The following PALM variants were observed in gnomAD, a reference collection of about 807,000 sequenced individuals.
PALM encodes the protein paralemmin.
In PALM, 18 loss-of-function variants were observed where a neutral mutation model predicts 30.7. That is an observed-to-expected ratio of 0.59 (90% CI 0.41 to 0.87). PALM has a LOEUF of 0.87. Among genes scored for constraint, PALM ranks in the 40% least tolerant of loss-of-function variants. The probability of loss-of-function intolerance (pLI) is 0.00; values close to 1 mark genes in which losing one functional copy is unlikely to be tolerated. For missense variants in PALM, 529 were observed against 555.4 expected (o/e 0.95, Z 0.48); for synonymous variants, 286 against 242.8 (o/e 1.18, Z -1.66).
At chr19:734,152 C>T (rs1224898194) in intron 5 of PALM, 21 bp from the exon 6 acceptor site, 1 of 1,613,788 alleles carries the variant, frequency 6.2e-7, no homozygotes. Context: ...GCCCCTGACC[C>T]TTCTCTCTTC....
chr19:727,780 G>A (rs1344228558), intron 4 of PALM, 86 bp downstream of exon 4: 22 of 1,305,460 alleles, frequency 1.7e-5, no homozygotes, highest in African/African-American at 1.0e-4. Context: ...GGGAAGAGTC[G>A]TCAGTGTGCT....
In PALM at chr19:746,536, C is replaced by A; in HGVS notation, c.886C>A (p.Pro296Thr). The A allele has an allele frequency of 6.2e-7, 1 of 1,613,032 alleles. No individual in the cohort carries two copies. Among genetic ancestry groups the A allele is most frequent in the Non-Finnish European group, 8.5e-7 (1 of 1,179,798 alleles). Residue 296 changes from proline to threonine, a missense_variant, in exon 9 of 9, where the codon CCC becomes ACC. Transcript: ENST00000338448. The surrounding 1 kb of genome is among the most constrained non-coding windows in gnomAD (Gnocchi z 7.1). ...GCCGGGGATCCAGCCCGGCCAGGAG[C>A]CCCCGGTCACAATGATCTTCATGGG... is the stretch of plus-strand genomic sequence containing the variant. Reference protein sequence around the residue: ...GPPGIQPGQEPPVTMIFMGYQ... With the variant: ...GPPGIQPGQETPVTMIFMGYQ...
At chr19:743,545 C>T (rs539185782) in intron 8 of PALM, among the ~76,000 whole-genome samples, 1 of 152,344 alleles carries the variant, frequency 6.6e-6, no homozygotes, top group African/African-American at 2.4e-5. Context: ...GACTCCCCTC[C>T]CTGGGGGCTT....
chr19:737,669 C>G (rs2033062727), intron 7 of PALM, among the ~76,000 whole-genome samples: 1 of 152,166 alleles, frequency 6.6e-6, no homozygotes, highest in South Asian at 2.1e-4. Flanking sequence ...ACGCAGCTAT[C>G]TGGGGAAAGG....
chr19:732,438 T>A (rs1476657136), intron 5 of PALM, among the ~76,000 whole-genome samples: 1 of 152,180 alleles, frequency 6.6e-6, no homozygotes, highest in Non-Finnish European at 1.5e-5. Context: ...CTCACGCCTG[T>A]AATCGCAGCA....
chr19:744,075 A>T (rs1183044433), intron 8 of PALM, among the ~76,000 whole-genome samples: 2 of 152,210 alleles, frequency 1.3e-5, no homozygotes, highest in Non-Finnish European at 2.9e-5. Context: ...CAATCAATCA[A>T]ACTAGGAATT....
intron 1 of PALM, among the ~76,000 whole-genome samples, chr19:715,522 A>G (rs1291804537): frequency 6.6e-6 from 1 of 152,210 alleles, no homozygotes; most frequent in Non-Finnish European, 1.5e-5. Context: ...TCATCCAGGC[A>G]GGCAGAAGGA....
At chr19:729,808 C>T (rs2032813755) in intron 4 of PALM, among the ~76,000 whole-genome samples, 1 of 152,104 alleles carries the variant, frequency 6.6e-6, no homozygotes, top group Admixed American at 6.6e-5. Flanking sequence ...CAGCTGTGTC[C>T]CTGGGCTGGA....
At chr19:718,349 G>A (rs768202794) in intron 1 of PALM, among the ~76,000 whole-genome samples, 20 of 152,330 alleles carry the variant, frequency 1.3e-4, no homozygotes, top group Non-Finnish European at 2.6e-4. Flanking sequence ...GCACCAGGCA[G>A]CAATGCAGCC....
At chr19:719,364 C>G in intron 1 of PALM, 1 of 985,558 alleles carries the variant, frequency 1.0e-6, no homozygotes, top group Non-Finnish European at 1.2e-6. Context: ...TGGAGCAGGA[C>G]TATCTCACGC....
intron 1 of PALM, chr19:719,600 G>C (rs996524477): frequency 2.0e-6 from 2 of 986,084 alleles, no homozygotes; most frequent in Non-Finnish European, 2.4e-6. Flanking sequence ...CACCAGGACC[G>C]CCGCCGCCCT....
At chr19:726,746 T>A (rs566085114) in intron 2 of PALM, among the ~76,000 whole-genome samples, 39 of 152,238 alleles carry the variant, frequency 2.6e-4, no homozygotes, top group Non-Finnish European at 4.9e-4. Context: ...CAAGTGATCC[T>A]CCCGCCTTGG....
intron 1 of PALM, among the ~76,000 whole-genome samples, chr19:718,131 G>C (rs367778204): frequency 6.6e-6 from 1 of 152,148 alleles, no homozygotes; most frequent in African/African-American, 2.4e-5. Context: ...GCAGCGAGCC[G>C]AGATCGCGCC....
chr19:719,508 CGCGGCTGCCGGG>C, intron 1 of PALM: 1 of 985,360 alleles, frequency 1.0e-6, no homozygotes. Context: ...AGGGGCTCTG[CGCGGCTGCCGGG>C]AGCCAGGGAG....
chr19:725,241 T>G (rs2032620360), intron 1 of PALM, among the ~76,000 whole-genome samples: 1 of 151,506 alleles, frequency 6.6e-6, no homozygotes. Context: ...AGGCTACAGC[T>G]GCACTGGGTG....
chr19:740,777 G>A (rs1438561042), intron 8 of PALM, among the ~76,000 whole-genome samples: 1 of 152,176 alleles, frequency 6.6e-6, no homozygotes, highest in Non-Finnish European at 1.5e-5. Context: ...GGTAGATTCA[G>A]CTTCTGTCCT....
chr19:718,181 CA>C (rs200668058), intron 1 of PALM, among the ~76,000 whole-genome samples: 5 of 150,438 alleles, frequency 3.3e-5, no homozygotes, highest in African/African-American at 1.2e-4. Context: ...GACTCCATCT[CA>C]AAAAAAAAGA....
At chr19:744,414 ATAGAAAG>A (rs1401091191) in intron 8 of PALM, among the ~76,000 whole-genome samples, 1 of 151,298 alleles carries the variant, frequency 6.6e-6, no homozygotes, top group African/African-American at 2.4e-5. Context: ...AAAAAAAAAA[ATAGAAAG>A]TGAATAACAT....
At chr19:715,147 A>G (rs1345434230) in intron 1 of PALM, among the ~76,000 whole-genome samples, 9 of 152,172 alleles carry the variant, frequency 5.9e-5, no homozygotes, top group Non-Finnish European at 1.2e-4. Flanking sequence ...GGGTGCCTAT[A>G]ATCCCAGCTA....
Sources: gnomAD v4.1 joint callset for allele counts (sites outside exome capture counted in the v4.1 genomes callset) on GRCh38, gnomAD v4.1.1 for gene constraint, Gnocchi (gnomAD v3.1) non-coding constraint, MANE v1.5 for transcripts, NCBI Gene and HGNC (gene_info 2026-07-23, HGNC 2026-07-21) for gene names.